The following EML6 variants were observed in gnomAD, a reference collection of about 807,000 sequenced individuals.
EML6 encodes the protein echinoderm microtubule-associated protein-like 6.
EML6 carries 154 observed loss-of-function variants against 240.1 expected under a neutral mutation model. The observed-to-expected ratio is 0.64, with a 90% confidence interval of 0.56 to 0.73. The LOEUF is 0.73. EML6 is among the 30% of genes least tolerant of loss of function. The probability of loss-of-function intolerance (pLI) is 0.00; values close to 1 mark genes in which losing one functional copy is unlikely to be tolerated. For missense variants in EML6, 2,964 were observed against 2,474.6 expected, an observed-to-expected ratio of 1.20 and a Z score of -4.20; for synonymous variants, 1,148 against 899.0, an observed-to-expected ratio of 1.28 and a Z score of -4.95.
At position 54,738,507 on chromosome 2, in the gene EML6, C is replaced by T. The variant is rs535531538; in HGVS notation, c.197+13249C>T. 3.3e-4 allele frequency among the ~76,000 whole-genome samples: 51 copies of T among 152,260 alleles called. No individual in the cohort carries two copies. The South Asian group carries it at 6.8e-3, about 20-fold the overall frequency. ...TCTCACAAACCCAACACACCTGTAACCTTGCTCACATCAAAAAATCAATAC... is the reference window on the plus strand; with the variant it reads ...TCTCACAAACCCAACACACCTGTAATCTTGCTCACATCAAAAAATCAATAC... On this transcript the variant is annotated intron_variant, in intron 2 of 41. Coordinates refer to ENST00000356458, the MANE Select transcript of EML6 (RefSeq NM_001039753.4).
At chr2:54,912,643 C>G (rs761654167) in intron 25 of EML6, among the ~76,000 whole-genome samples, 1 of 152,118 alleles carries the variant, frequency 6.6e-6, no homozygotes, top group Non-Finnish European at 1.5e-5. Flanking sequence ...TATTCCCACT[C>G]GTGAGAACAT....
chr2:54,790,359 T>A (rs1669365681), intron 2 of EML6, among the ~76,000 whole-genome samples: 1 of 152,242 alleles, frequency 6.6e-6, no homozygotes, highest in African/African-American at 2.4e-5. Context: ...CAGAAAATAC[T>A]TAGGTAATTT....
chr2:54,786,508 C>T (rs753518478), intron 2 of EML6, among the ~76,000 whole-genome samples: 3 of 152,150 alleles, frequency 2.0e-5, no homozygotes, highest in African/African-American at 4.8e-5. Context: ...CTACCGCACC[C>T]GCTACCTACC....
rs59382484 is a variant in EML6, at chr2:54,753,662, G to GT, written c.197+28423dup. ...GCCCCCAGTAAGAATGCAGTCCTGA[G>GT]TTTTTTTTTTTTTTTTTTTGAGAGA... On this transcript the variant is annotated intron_variant, in intron 2 of 41. Coordinates refer to ENST00000356458, the MANE Select transcript of EML6 (RefSeq NM_001039753.4). Among the ~76,000 whole-genome samples the GT allele has an allele frequency of 8.9e-3, 1,190 of 133,788 alleles. 13 individuals are homozygous for GT. The highest frequency in any genetic ancestry group is 0.03 in the South Asian group (124 of 4,090). The allele number at this position is 133,788 out of a possible 152,430, so 87.8% of individuals were successfully genotyped here.
chr2:54,782,687 A>C (rs963180178), intron 2 of EML6, among the ~76,000 whole-genome samples: 20 of 150,164 alleles, frequency 1.3e-4, no homozygotes, highest in Non-Finnish European at 4.4e-5. Flanking sequence ...TTTTGGCTAA[A>C]TTCTGTCTTC....
chr2:54,930,494 A>G (rs966661058), intron 28 of EML6, among the ~76,000 whole-genome samples: 7 of 152,180 alleles, frequency 4.6e-5, no homozygotes, highest in African/African-American at 1.7e-4. Context: ...AGGAAACTGT[A>G]TAGTCGCATA....
At chr2:54,940,603 G>A (rs924103461) in intron 28 of EML6, among the ~76,000 whole-genome samples, 1 of 152,132 alleles carries the variant, frequency 6.6e-6, no homozygotes, top group African/African-American at 2.4e-5. Context: ...ATAGATGAAT[G>A]GACCAATTTA....
At chr2:54,758,232 G>A (rs1667823416) in intron 2 of EML6, among the ~76,000 whole-genome samples, 1 of 152,078 alleles carries the variant, frequency 6.6e-6, no homozygotes, top group Non-Finnish European at 1.5e-5. Context: ...GGGAGTGGGT[G>A]GAAAGAAGGG....
intron 12 of EML6, among the ~76,000 whole-genome samples, chr2:54,863,562 A>G (rs1251581922): frequency 1.3e-5 from 2 of 152,194 alleles, no homozygotes; most frequent in Non-Finnish European, 2.9e-5. Flanking sequence ...GGTGTGGGGA[A>G]GGAAGTTGGC....
intron 2 of EML6, among the ~76,000 whole-genome samples, chr2:54,743,192 A>G (rs2103658688): frequency 6.6e-6 from 1 of 152,356 alleles, no homozygotes; most frequent in East Asian, 1.9e-4. Flanking sequence ...GACAGGACGC[A>G]GTCACGTCGC....
intron 26 of EML6, among the ~76,000 whole-genome samples, chr2:54,923,440 C>T (rs1403308182): frequency 1.3e-5 from 2 of 148,444 alleles, no homozygotes; most frequent in African/African-American, 2.5e-5. Flanking sequence ...CATTAATTAC[C>T]TTGATTGTAG....
At chr2:54,964,953 G>T (rs975699375) in intron 38 of EML6, among the ~76,000 whole-genome samples, 1 of 152,170 alleles carries the variant, frequency 6.6e-6, no homozygotes, top group African/African-American at 2.4e-5. Flanking sequence ...ATAATAAAGA[G>T]TAAGAAAAAC....
chr2:54,930,521 T>C (rs984562613), intron 28 of EML6, among the ~76,000 whole-genome samples: 5 of 151,778 alleles, frequency 3.3e-5, no homozygotes, highest in Non-Finnish European at 7.4e-5. Flanking sequence ...AATGACTCTT[T>C]TTTTTTTTAT....
intron 2 of EML6, among the ~76,000 whole-genome samples, chr2:54,732,318 T>A (rs915168656): frequency 3.3e-5 from 5 of 152,218 alleles, no homozygotes; most frequent in Admixed American, 1.3e-4. Context: ...TCCAATTTAT[T>A]AATTTTTTCT....
At chr2:54,748,298 T>A (rs1169865805) in intron 2 of EML6, 2 of 152,242 alleles carry the variant, frequency 1.3e-5, no homozygotes, top group African/African-American at 4.8e-5. Context: ...TATATGATTC[T>A]TAGTTGAAGC....
chr2:54,934,389 C>G (rs1558702003), intron 28 of EML6, among the ~76,000 whole-genome samples: 1 of 152,030 alleles, frequency 6.6e-6, no homozygotes, highest in Non-Finnish European at 1.5e-5. Flanking sequence ...GCTCCACAGG[C>G]ACGCATAAGC....
chr2:54,910,454 G>T (rs114131944), intron 24 of EML6, among the ~76,000 whole-genome samples: 60 of 152,318 alleles, frequency 3.9e-4, no homozygotes, highest in African/African-American at 1.4e-3. Context: ...GGTGGGGAAG[G>T]AATGAGCATT....
chr2:54,757,590 C>A (rs1240264115), intron 2 of EML6, among the ~76,000 whole-genome samples: 2 of 152,190 alleles, frequency 1.3e-5, no homozygotes, highest in Non-Finnish European at 2.9e-5. Context: ...CTTTCCTCAG[C>A]TGGGCAGCCC....
At chr2:54,764,491 G>T (rs1028977206) in intron 2 of EML6, among the ~76,000 whole-genome samples, 1 of 152,178 alleles carries the variant, frequency 6.6e-6, no homozygotes, top group Non-Finnish European at 1.5e-5. Context: ...AATTTGAGGT[G>T]CATTAACTTT....
Sources: allele counts gnomAD v4.1 joint callset (sites outside exome capture counted in the v4.1 genomes callset), GRCh38; gene constraint gnomAD v4.1.1; transcripts MANE v1.5; gene names NCBI Gene and HGNC (gene_info 2026-07-23, HGNC 2026-07-21).